PIEZO2: variants seen among roughly 807,000 people sequenced by gnomAD.
The protein encoded by PIEZO2 is piezo-type mechanosensitive ion channel component 2.
Under a neutral mutation model 337.3 loss-of-function variants are expected in PIEZO2, and 172 were observed. The observed-to-expected ratio is 0.51, with a 90% CI of 0.45 to 0.58. The LOEUF is 0.58. Among genes scored for constraint, PIEZO2 ranks in the 20% least tolerant of loss-of-function variants. PIEZO2 has a pLI of 0.00. For missense variants in PIEZO2, 3,028 were observed against 3,391.3 expected (o/e 0.89, Z 2.66); for synonymous variants, 1,251 against 1,228.5 (o/e 1.02, Z -0.38).
At chr18:10,789,599 A>G (rs1261305422) in intron 14 of PIEZO2, among the ~76,000 whole-genome samples, 3 of 152,258 alleles carry the variant, frequency 2.0e-5, no homozygotes. Flanking sequence ...ACACTAATTT[A>G]TATACAAGAT....
At chr18:10,705,291 T>C (rs1220119905) in intron 41 of PIEZO2, 45 bp downstream of exon 41, 3 of 1,465,336 alleles carry the variant, frequency 2.0e-6, no homozygotes, top group South Asian at 2.8e-5. Flanking sequence ...TATGTTTAAG[T>C]GGTGATTTGG....
At chr18:11,063,643 G>A (rs2038049368) in intron 2 of PIEZO2, among the ~76,000 whole-genome samples, 1 of 152,202 alleles carries the variant, frequency 6.6e-6, no homozygotes, top group South Asian at 2.1e-4. Flanking sequence ...TTCAGGTGGG[G>A]TCTGCATTAG....
In PIEZO2 at chr18:11,107,114, A is replaced by T. The variant is rs9807441; in HGVS notation, c.65-40892T>A. Among the ~76,000 whole-genome samples, 524 of 152,322 alleles carry T rather than the reference A, an allele frequency of 3.4e-3. 3 individuals are homozygous for T. Among genetic ancestry groups the T allele is most frequent in the African/African-American group, 0.012 (488 of 41,574 alleles). ...CTTTTTAGCAAGGGGAAGGGGAGGTAGATTAACAAGCTGTCTGAATTCTTT... is the reference window on the plus strand; with the variant it reads ...CTTTTTAGCAAGGGGAAGGGGAGGTTGATTAACAAGCTGTCTGAATTCTTT... On this transcript the variant is annotated intron_variant, in intron 1 of 55. Transcript: ENST00000674853.
chr18:11,067,376 T>C (rs2038187275), intron 1 of PIEZO2, among the ~76,000 whole-genome samples: 1 of 152,120 alleles, frequency 6.6e-6, no homozygotes, highest in Admixed American at 6.5e-5. Flanking sequence ...AATGTAACCA[T>C]ACTTTCTTTA....
intron 2 of PIEZO2, among the ~76,000 whole-genome samples, chr18:11,034,356 T>C (rs893198494): frequency 2.6e-5 from 4 of 151,848 alleles, no homozygotes; most frequent in Admixed American, 6.6e-5. Context: ...AGTGCAATGG[T>C]GCGATCTCGG....
chr18:10,921,375 T>C (rs567091492), intron 3 of PIEZO2, among the ~76,000 whole-genome samples: 3 of 152,298 alleles, frequency 2.0e-5, no homozygotes, highest in African/African-American at 7.2e-5. Flanking sequence ...CATAGACATT[T>C]GTTAGTTCCC....
chr18:11,107,910 T>C (rs1250491076), intron 1 of PIEZO2, among the ~76,000 whole-genome samples: 1 of 152,222 alleles, frequency 6.6e-6, no homozygotes, highest in Admixed American at 6.5e-5. Flanking sequence ...AAGTACACAG[T>C]ATACGTTACT....
Position 10,929,329 on chromosome 18 carries a change from C to T in PIEZO2, c.287-18101G>A, listed in dbSNP as rs1341310994. On this transcript the variant is annotated intron_variant, in intron 3 of 55. Transcript: ENST00000674853. The surrounding 1 kb of genome is among the most constrained non-coding windows in gnomAD (Gnocchi z 5.6). ...TATGCTGCTGCATGCATGGGTACCC[C>T]ACATATGCTGTTGTGACTGAGGCAA... Among the ~76,000 whole-genome samples, 4 of 152,134 alleles carry T rather than the reference C, an allele frequency of 2.6e-5. No individual in the cohort carries two copies. The highest frequency in any genetic ancestry group is 4.4e-5 in the Non-Finnish European group (3 of 68,020).
intron 33 of PIEZO2, 61 bp from the exon 34 acceptor site, chr18:10,736,771 T>C (rs1314294310): frequency 8.0e-6 from 12 of 1,493,694 alleles, no homozygotes; most frequent in Middle Eastern, 1.7e-4. Context: ...TGGGGGCTTA[T>C]TAATGAAATG....
At chr18:10,740,850 A>C (rs780126234) in intron 33 of PIEZO2, 181 bp downstream of exon 33, 54 of 713,632 alleles carry the variant, frequency 7.6e-5, no homozygotes, top group Non-Finnish European at 1.3e-4. Context: ...ATGTCTCTGG[A>C]AGAATTGGAC....
rs530985489 is a variant in PIEZO2 at position 10,922,870 on chromosome 18, G to A, written c.287-11642C>T. On this transcript the variant is annotated intron_variant, in intron 3 of 55. Transcript: ENST00000674853. ...AAAACTATACAAAATAAAGCCATCT[G>A]TTTTAGACAATTTAGAAAATACTTA... is the stretch of plus-strand genomic sequence containing the variant. Among the ~76,000 whole-genome samples, 18 of 152,254 alleles carry A rather than the reference G, an allele frequency of 1.2e-4. No homozygotes were observed. The South Asian group carries it at 3.1e-3, about 26-fold the overall frequency.
intron 36 of PIEZO2, among the ~76,000 whole-genome samples, chr18:10,720,401 GTGTATGTGTATGTGTATGTATA>G (rs2036239269): frequency 2.9e-4 from 2 of 7,004 alleles, no homozygotes; most frequent in Non-Finnish European, 6.3e-4. Flanking sequence ...GTGTGTGTGT[GTGTATGTGTATGTGTATGTATA>G]TATATATATA....
intron 1 of PIEZO2, among the ~76,000 whole-genome samples, chr18:11,100,202 G>A (rs1332862263): frequency 6.6e-6 from 1 of 152,160 alleles, no homozygotes; most frequent in South Asian, 2.1e-4. Context: ...CTTGAAAGAG[G>A]TTTTCTACAA....
At position 10,745,092 on chromosome 18, in the gene PIEZO2, A is replaced by G. The variant is rs547099908; in HGVS notation, c.4425-861T>C. Among the ~76,000 whole-genome samples, 76 of 151,946 alleles carry G rather than the reference A, an allele frequency of 5.0e-4. 1 individual carries two copies. Among genetic ancestry groups the G allele is most frequent in the Admixed American group, 3.6e-3 (55 of 15,268 alleles). On this transcript the variant is annotated intron_variant, in intron 30 of 55. Coordinates refer to ENST00000674853, the MANE Select transcript of PIEZO2 (RefSeq NM_001378183.1). ...TAAATGACCTAGCTTCCTGCTTCCC[A>G]GAGGGAACACAAATCTTAAGGCAGT...
intron 3 of PIEZO2, among the ~76,000 whole-genome samples, chr18:10,937,472 AT>A (rs1318922414): frequency 6.6e-6 from 1 of 152,130 alleles, no homozygotes; most frequent in South Asian, 2.1e-4. Flanking sequence ...GATTTGACAG[AT>A]TATTGGGAAG....
chr18:10,779,320 C>A (rs960093398), intron 18 of PIEZO2, among the ~76,000 whole-genome samples: 3 of 152,228 alleles, frequency 2.0e-5, no homozygotes, highest in Non-Finnish European at 4.4e-5. Context: ...AGATATATTT[C>A]TCTTACTAAA....
intron 1 of PIEZO2, among the ~76,000 whole-genome samples, chr18:11,124,424 G>A (rs2040123430): frequency 6.6e-6 from 1 of 152,172 alleles, no homozygotes; most frequent in South Asian, 2.1e-4. Context: ...ACATCACTGT[G>A]CAATAGTAAA....
chr18:10,839,724 T>C (rs1403046608), intron 7 of PIEZO2, among the ~76,000 whole-genome samples: 2 of 152,176 alleles, frequency 1.3e-5, no homozygotes, highest in Non-Finnish European at 2.9e-5. Context: ...TGCATTTTAA[T>C]CTATAGCAAG....
intron 2 of PIEZO2, among the ~76,000 whole-genome samples, chr18:11,029,980 A>G (rs2036673182): frequency 1.3e-5 from 2 of 152,222 alleles, no homozygotes; most frequent in African/African-American, 2.4e-5. Context: ...TCAGGTTGGA[A>G]ATATTTTTTA....
Sources: allele counts gnomAD v4.1 joint callset (sites outside exome capture counted in the v4.1 genomes callset), GRCh38; gene constraint gnomAD v4.1.1; non-coding constraint Gnocchi (gnomAD v3.1); transcripts MANE v1.5; gene names NCBI Gene and HGNC (gene_info 2026-07-23, HGNC 2026-07-21).